The following TMPRSS11E variants were observed in gnomAD, a reference collection of about 807,000 sequenced individuals.
TMPRSS11E encodes transmembrane serine protease 11E.
In TMPRSS11E, 38 loss-of-function variants were observed where a neutral mutation model predicts 48.1. The ratio of observed to expected loss-of-function variants is 0.79; its 90% CI spans 0.61 to 1.04. The LOEUF (loss-of-function observed/expected upper bound fraction) is 1.04. TMPRSS11E is among the 50% of genes least tolerant of loss of function. The pLI, the probability that TMPRSS11E is intolerant of heterozygous loss-of-function variation, is 0.00. For synonymous variants in TMPRSS11E, 158 were observed against 171.9 expected, an observed-to-expected ratio of 0.92 and a Z score of 0.63; for missense variants, 530 against 510.8, an observed-to-expected ratio of 1.04 and a Z score of -0.36.
chr4:68,496,533 G>T lies in TMPRSS11E; in HGVS notation c.1111-110G>T, dbSNP rs530319006. On this transcript the variant is annotated intron_variant, in intron 9 of 9. Transcript: ENST00000305363. ...AAATCACTTATGCATGCGAACACACGGAATACTTTTGAAAATTACCCCTTT... is the reference window on the plus strand; with the variant it reads ...AAATCACTTATGCATGCGAACACACTGAATACTTTTGAAAATTACCCCTTT... 27 of 1,106,416 alleles carry T rather than the reference G, an allele frequency of 2.4e-5. 2 individuals are homozygous for T. In the Admixed American group the frequency reaches 4.5e-4, roughly 19 times the overall value. 68.5% of individuals were successfully genotyped at this position (1,106,416 alleles called of 1,614,324 possible). A position where few individuals can be genotyped will look rare whatever the true frequency, so the allele number is the denominator to read the frequency against.
At position 68,463,112 on chromosome 4, in the gene TMPRSS11E, A is replaced by C. The variant is rs182332155; in HGVS notation, c.136+1167A>C. Among the ~76,000 whole-genome samples, 6 of 152,350 alleles carry C rather than the reference A, an allele frequency of 3.9e-5. 1 individual carries two copies. The highest frequency in any genetic ancestry group is 1.4e-4 in the African/African-American group (6 of 41,584). ...AAGTTTCTTTCCAGTAACGAGAAAG[A>C]GTACTCTGTAACCTGGTTATCTTCC... On this transcript the variant is annotated intron_variant, in intron 2 of 9. Transcript: ENST00000305363.
chr4:68,466,758 C>T lies in TMPRSS11E; in HGVS notation c.258+6C>T. On this transcript the variant is annotated splice_donor_region_variant and intron_variant, in intron 3 of 9. Coordinates refer to ENST00000305363, the MANE Select transcript of TMPRSS11E (RefSeq NM_014058.4). Reference sequence around the variant, plus strand: ...GCCAGAGACTTGAATCAATGGTAAGCAACTTGTCATCTACTTCTAGTGCAT... The same window carrying T: ...GCCAGAGACTTGAATCAATGGTAAGTAACTTGTCATCTACTTCTAGTGCAT... 1 of 1,613,338 alleles carries T rather than the reference C, an allele frequency of 6.2e-7. No individual in the cohort carries two copies. Among genetic ancestry groups the T allele is most frequent in the Non-Finnish European group, 8.5e-7 (1 of 1,179,520 alleles).
At chr4:68,461,415 T>A (rs573563304) in intron 1 of TMPRSS11E, among the ~76,000 whole-genome samples, 1 of 152,340 alleles carries the variant, frequency 6.6e-6, no homozygotes, top group South Asian at 2.1e-4. Flanking sequence ...TTAAAATATT[T>A]TTGTAGCCCC....
chr4:68,474,854 G>A, intron 6 of TMPRSS11E, 93 bp downstream of exon 6: 1 of 976,460 alleles, frequency 1.0e-6, no homozygotes, highest in Non-Finnish European at 1.5e-6. Flanking sequence ...GATATCATAG[G>A]GACAGAACAC....
At chr4:68,463,505 G>A (rs1295410323) in intron 2 of TMPRSS11E, among the ~76,000 whole-genome samples, 1 of 152,168 alleles carries the variant, frequency 6.6e-6, no homozygotes, top group Non-Finnish European at 1.5e-5. Flanking sequence ...GTTTCACCAT[G>A]TTCGTCAGGC....
At position 68,478,451 on chromosome 4, in the gene TMPRSS11E, CTTTT is replaced by C. The variant is rs377068765; in HGVS notation, c.968-380_968-377del. ...AAGCCACCGCACCCGGTATCCCCCG[CTTTT>C]TTTTTTTTTTTTTTTTTAAGATGGG... On this transcript the variant is annotated intron_variant, in intron 8 of 9. Coordinates refer to ENST00000305363, the MANE Select transcript of TMPRSS11E (RefSeq NM_014058.4). 1.1e-3 allele frequency among the ~76,000 whole-genome samples: 81 copies of C among 73,636 alleles called. 2 individuals carry two copies. Among genetic ancestry groups the C allele is most frequent in the African/African-American group, 4.0e-3 (74 of 18,496 alleles). The allele number at this position is 73,636 out of a possible 152,430, so 48.3% of individuals were successfully genotyped here.
At position 68,462,000 on chromosome 4, in the gene TMPRSS11E, C is replaced by T. The variant is rs551762391; in HGVS notation, c.136+55C>T. 5.2e-5 allele frequency: 83 copies of T among 1,606,202 alleles called. No individual in the cohort carries two copies. In the South Asian group the frequency reaches 7.5e-4, roughly 15 times the overall value. On this transcript the variant is annotated intron_variant, in intron 2 of 9. Transcript: ENST00000305363. ...ATTTACCCCAAATATTTCCTCATAC[C>T]TTGCTGTTTTGATTTGCCTCAGGCT...
chr4:68,487,882 A>G (rs1578145249), intron 9 of TMPRSS11E, among the ~76,000 whole-genome samples: 1 of 143,652 alleles, frequency 7.0e-6, no homozygotes, highest in East Asian at 2.2e-4. Flanking sequence ...CAGAGGTTAC[A>G]GTGAGCTGAG....
intron 9 of TMPRSS11E, among the ~76,000 whole-genome samples, chr4:68,481,733 A>G (rs909208749): frequency 2.0e-5 from 3 of 152,112 alleles, no homozygotes; most frequent in Admixed American, 6.6e-5. Context: ...GTGGATCACT[A>G]GAGCTCAGAA....
intron 9 of TMPRSS11E, among the ~76,000 whole-genome samples, chr4:68,493,457 A>G (rs1313121448): frequency 6.6e-6 from 1 of 152,110 alleles, no homozygotes; most frequent in Non-Finnish European, 1.5e-5. Flanking sequence ...CTCTGGGAAG[A>G]CATGGCACCC....
At chr4:68,471,697 A>C in intron 5 of TMPRSS11E, 74 bp downstream of exon 5, 1 of 1,215,528 alleles carries the variant, frequency 8.2e-7, no homozygotes, top group East Asian at 2.7e-5. Context: ...TTATTAAAAA[A>C]TTTTTTTTGA....
intron 6 of TMPRSS11E, 124 bp downstream of exon 6, chr4:68,474,885 G>A: frequency 1.3e-6 from 1 of 785,332 alleles, no homozygotes; most frequent in Non-Finnish European, 2.0e-6. Context: ...ATTAATTTGT[G>A]TACAGTTCAT....
chr4:68,484,523 G>A (rs1456126129), intron 9 of TMPRSS11E, among the ~76,000 whole-genome samples: 1 of 152,094 alleles, frequency 6.6e-6, no homozygotes, highest in African/African-American at 2.4e-5. Context: ...GCTCATGCTG[G>A]TCTTGAACTC....
At chr4:68,491,299 C>CAAAAAAAAAAAAAAAAAAAAAAA (rs752361546) in intron 9 of TMPRSS11E, among the ~76,000 whole-genome samples, 1 of 92,056 alleles carries the variant, frequency 1.1e-5, no homozygotes, top group Non-Finnish European at 2.0e-5. Flanking sequence ...ATATATGAAG[C>CAAAAAAAAAAAAAAAAAAAAAAA]AAAAAAAAAA....
intron 8 of TMPRSS11E, among the ~76,000 whole-genome samples, chr4:68,478,383 A>G (rs1729298326): frequency 6.8e-6 from 1 of 146,016 alleles, no homozygotes; most frequent in South Asian, 2.3e-4. Flanking sequence ...ACCTCAGGTG[A>G]TCTGCCCTCC....
chr4:68,478,778 C>G (rs1477602824), intron 8 of TMPRSS11E, 71 bp from the exon 9 acceptor site: 77 of 1,545,832 alleles, frequency 5.0e-5, no homozygotes, highest in Non-Finnish European at 6.3e-5. Flanking sequence ...TATTCCTAAT[C>G]ATGAAACATT....
intron 9 of TMPRSS11E, 43 bp downstream of exon 9, chr4:68,479,034 T>A: frequency 6.2e-7 from 1 of 1,602,478 alleles, no homozygotes; most frequent in Non-Finnish European, 8.5e-7. Flanking sequence ...ATTTTTTGTT[T>A]ACTTTTCTTT....
intron 1 of TMPRSS11E, 132 bp from the exon 2 acceptor site, chr4:68,461,689 G>A (rs1728794003): frequency 7.2e-7 from 1 of 1,379,684 alleles, no homozygotes; most frequent in South Asian, 1.4e-5. Flanking sequence ...TGGAACCAGG[G>A]TGTGCTCTAA....
rs1431037953 is a variant in TMPRSS11E, at chr4:68,496,929, G to C, written c.*125G>C. On this transcript the variant is annotated 3_prime_UTR_variant, in exon 10 of 10. Coordinates refer to ENST00000305363, the MANE Select transcript of TMPRSS11E (RefSeq NM_014058.4). ...TAGATTTGACTGATCTCAATAAACT[G>C]TTTGCTTGATGCATGTATTTTCTTC... 2 of 979,572 alleles carry C rather than the reference G, an allele frequency of 2.0e-6. No individual in the cohort carries two copies. The highest frequency in any genetic ancestry group is 1.6e-5 in the African/African-American group (1 of 61,166). 60.7% of individuals were successfully genotyped at this position (979,572 alleles called of 1,614,324 possible).
Sources: gnomAD v4.1 joint callset for allele counts (sites outside exome capture counted in the v4.1 genomes callset) on GRCh38, gnomAD v4.1.1 for gene constraint, MANE v1.5 for transcripts, NCBI Gene and HGNC (gene_info 2026-07-23, HGNC 2026-07-21) for gene names.